KYNU: variants seen among roughly 807,000 people sequenced by gnomAD.
The protein encoded by KYNU is L-kynurenine hydrolase.
KYNU carries 54 observed loss-of-function variants against 59.2 expected under a neutral mutation model. The observed-to-expected ratio is 0.91, with a 90% CI of 0.73 to 1.14. The LOEUF (loss-of-function observed/expected upper bound fraction) is 1.14, where lower values mean the gene tolerates loss of function less well. Ranked by LOEUF, KYNU falls within the 50% of genes most tolerant of loss-of-function variation. The pLI is 0.00. For missense variants in KYNU, 567 were observed against 554.4 expected, an observed-to-expected ratio of 1.02 and a Z score of -0.23; for synonymous variants, 177 against 192.0, an observed-to-expected ratio of 0.92 and a Z score of 0.65.
chr2:142,985,226 A>G, intron 9 of KYNU, 44 bp downstream of exon 9: 1 of 1,204,266 alleles, frequency 8.3e-7, no homozygotes, highest in Non-Finnish European at 1.2e-6. Flanking sequence ...TTTCACATTG[A>G]CTTTAATCTG....
At chr2:142,901,624 T>C (rs1682091640) in intron 2 of KYNU, among the ~76,000 whole-genome samples, 1 of 152,180 alleles carries the variant, frequency 6.6e-6, no homozygotes, top group Non-Finnish European at 1.5e-5. Context: ...TTCCCTTTTT[T>C]TCCATATTGC....
intron 10 of KYNU, among the ~76,000 whole-genome samples, chr2:143,021,359 T>C (rs566002727): frequency 1.3e-4 from 20 of 152,224 alleles, no homozygotes; most frequent in Admixed American, 5.2e-4. Flanking sequence ...CCAAATGACA[T>C]TAGAATCAGC....
intron 12 of KYNU, among the ~76,000 whole-genome samples, chr2:143,034,339 G>C (rs184090387): frequency 3.5e-4 from 53 of 151,930 alleles, no homozygotes; most frequent in Admixed American, 1.2e-3. Flanking sequence ...TGATATTTTG[G>C]CAAAAACTTA....
At chr2:142,934,473 T>C (rs989396586) in intron 4 of KYNU, among the ~76,000 whole-genome samples, 3 of 151,930 alleles carry the variant, frequency 2.0e-5, no homozygotes, top group African/African-American at 4.8e-5. Context: ...GAGTGGAGTT[T>C]GGCATGAGGG....
chr2:142,910,921 T>C (rs1204111874), intron 2 of KYNU, among the ~76,000 whole-genome samples: 1 of 152,206 alleles, frequency 6.6e-6, no homozygotes, highest in Non-Finnish European at 1.5e-5. Flanking sequence ...CCTGTTCTAT[T>C]GGTCTATGTA....
intron 4 of KYNU, among the ~76,000 whole-genome samples, chr2:142,928,904 A>C (rs574437417): frequency 2.3e-4 from 34 of 147,696 alleles, no homozygotes; most frequent in South Asian, 8.7e-4. Flanking sequence ...GATACTTGAG[A>C]GGCTGAGGTG....
At chr2:143,013,003 G>A (rs778476054) in intron 10 of KYNU, among the ~76,000 whole-genome samples, 1 of 151,426 alleles carries the variant, frequency 6.6e-6, no homozygotes, top group Non-Finnish European at 1.5e-5. Context: ...TAATTTTTTA[G>A]AGACAAAGTC....
At chr2:142,923,998 A>G (rs920552755) in intron 3 of KYNU, among the ~76,000 whole-genome samples, 7 of 152,340 alleles carry the variant, frequency 4.6e-5, no homozygotes, top group African/African-American at 1.4e-4. Context: ...TAATTTAAGG[A>G]TTTCTTCCAT....
intron 10 of KYNU, among the ~76,000 whole-genome samples, chr2:143,017,207 C>T (rs969768856): frequency 1.3e-5 from 2 of 152,084 alleles, no homozygotes; most frequent in African/African-American, 2.4e-5. Context: ...CTGCAATGAA[C>T]ATACAAGTGC....
At chr2:142,916,072 C>G (rs1366054392) in intron 2 of KYNU, among the ~76,000 whole-genome samples, 1 of 152,060 alleles carries the variant, frequency 6.6e-6, no homozygotes, top group Admixed American at 6.6e-5. Flanking sequence ...AAGTAATCAA[C>G]CTTGTCAACA....
intron 2 of KYNU, among the ~76,000 whole-genome samples, chr2:142,900,530 C>T (rs1682041956): frequency 6.6e-6 from 1 of 152,086 alleles, no homozygotes; most frequent in Non-Finnish European, 1.5e-5. Context: ...CCTGTTTTTG[C>T]CTAGTTAGCA....
rs375489688 is a variant in KYNU, at chr2:142,899,589, G to A, written c.169+14053G>A. On this transcript the variant is annotated intron_variant, in intron 2 of 13. Transcript: ENST00000264170. ...GCTGAATTGGGGCATAGTAGGGGTC[G>A]TGCAATTGAGATTTCCTCAGGAGGA... is the stretch of plus-strand genomic sequence containing the variant. Among the ~76,000 whole-genome samples, 538 of 152,292 alleles carry A rather than the reference G, an allele frequency of 3.5e-3. 3 individuals are homozygous for A. The highest frequency in any genetic ancestry group is 0.017 in the South Asian group (82 of 4,816).
At chr2:143,006,153 T>A (rs563181811) in intron 10 of KYNU, among the ~76,000 whole-genome samples, 1 of 151,988 alleles carries the variant, frequency 6.6e-6, no homozygotes, top group Non-Finnish European at 1.5e-5. Flanking sequence ...ACCGGGTTCA[T>A]CTCACTAGGG....
intron 13 of KYNU, among the ~76,000 whole-genome samples, chr2:143,041,637 T>G (rs1358005531): frequency 5.9e-5 from 9 of 151,944 alleles, no homozygotes; most frequent in Non-Finnish European, 1.2e-4. Flanking sequence ...GATCAAAGAT[T>G]AGAGAATTAA....
rs183410798 is a variant in KYNU, at chr2:143,026,308, C to T, written c.903-3319C>T. Among the ~76,000 whole-genome samples the T allele has an allele frequency of 5.9e-3, 894 of 152,270 alleles. 19 individuals carry two copies. The highest frequency in any genetic ancestry group is 4.8e-3 in the South Asian group (23 of 4,824). ...GTGTAATTTGTTTTTATCAGTTCTC[C>T]ATTATAAGATATTCAGATGGTTTCG... On this transcript the variant is annotated intron_variant, in intron 10 of 13. Transcript: ENST00000264170.
chr2:142,973,936 G>C (rs886538917), intron 8 of KYNU, among the ~76,000 whole-genome samples: 5 of 152,152 alleles, frequency 3.3e-5, no homozygotes, highest in South Asian at 4.1e-4. Flanking sequence ...ATTCACTAAG[G>C]TGTCTTAGAA....
intron 2 of KYNU, among the ~76,000 whole-genome samples, chr2:142,915,020 G>A (rs936194211): frequency 6.6e-6 from 1 of 152,168 alleles, no homozygotes; most frequent in Non-Finnish European, 1.5e-5. Flanking sequence ...TCCCAAGGAC[G>A]CCTTTTCATC....
chr2:142,901,267 C>T (rs1003337336), intron 2 of KYNU, among the ~76,000 whole-genome samples: 2 of 152,070 alleles, frequency 1.3e-5, no homozygotes, highest in Non-Finnish European at 2.9e-5. Flanking sequence ...TGTTTAGTTG[C>T]AGGCAAAAGT....
intron 8 of KYNU, chr2:142,964,767 A>G (rs1005864874): frequency 6.6e-6 from 1 of 152,198 alleles, no homozygotes; most frequent in African/African-American, 2.4e-5. Context: ...GATTCACACA[A>G]TAGATTTAAG....
Sources: allele counts gnomAD v4.1 joint callset (sites outside exome capture counted in the v4.1 genomes callset), GRCh38; gene constraint gnomAD v4.1.1; transcripts MANE v1.5; gene names NCBI Gene and HGNC (gene_info 2026-07-23, HGNC 2026-07-21).